The following SAMD3 variants were observed in gnomAD, a reference collection of about 807,000 sequenced individuals.
SAMD3 encodes sterile alpha motif domain-containing protein 3.
SAMD3 carries 63 observed loss-of-function variants against 58.5 expected under a neutral mutation model. That is an observed-to-expected ratio of 1.08 (90% confidence interval 0.88 to 1.33). The LOEUF (loss-of-function observed/expected upper bound fraction) is 1.33, where lower values mean the gene tolerates loss of function less well. Among genes scored for constraint, SAMD3 ranks in the 40% most tolerant of loss-of-function variants. SAMD3 has a pLI of 0.00. For missense variants in SAMD3, 604 were observed against 608.4 expected, an observed-to-expected ratio of 0.99 and a Z score of 0.08; for synonymous variants, 220 against 210.3, an observed-to-expected ratio of 1.05 and a Z score of -0.40.
intron 7 of SAMD3, among the ~76,000 whole-genome samples, chr6:130,182,091 C>T (rs1792403772): frequency 6.9e-6 from 1 of 144,266 alleles, no homozygotes. Flanking sequence ...AAAAAAACCA[C>T]AAGTTCTATA....
At chr6:130,350,561 T>G (rs1401828491) in intron 1 of SAMD3, among the ~76,000 whole-genome samples, 4 of 152,006 alleles carry the variant, frequency 2.6e-5, no homozygotes, top group Non-Finnish European at 5.9e-5. Flanking sequence ...CACTGCTCGA[T>G]GAAATAAAAG....
intron 9 of SAMD3, among the ~76,000 whole-genome samples, chr6:130,146,727 C>G (rs1788662154): frequency 6.6e-6 from 1 of 152,122 alleles, no homozygotes; most frequent in African/African-American, 2.4e-5. Context: ...ATAATCCCAG[C>G]ATTTTGGGAG....
Position 130,221,220 on chromosome 6 carries a change from C to A in SAMD3, c.-68+1474G>T, listed in dbSNP as rs1231813729. 4.6e-5 allele frequency among the ~76,000 whole-genome samples: 7 copies of A among 152,166 alleles called. No homozygotes were observed. The East Asian group carries it at 5.8e-4, about 13-fold the overall frequency. ...TCAATATATTTTGTTGGGATAATGC[C>A]TCATAACACCTACACAATAAATTCC... On this transcript the variant is annotated intron_variant, in intron 1 of 11. Transcript: ENST00000439090.
intron 9 of SAMD3, among the ~76,000 whole-genome samples, chr6:130,151,594 A>G (rs949237086): frequency 1.6e-4 from 25 of 152,100 alleles, no homozygotes; most frequent in African/African-American, 5.8e-4. Context: ...GGCATGTGCC[A>G]CCACGCCCGG....
At chr6:130,253,347 A>G (rs1338108041) in intron 2 of SAMD3, among the ~76,000 whole-genome samples, 1 of 152,202 alleles carries the variant, frequency 6.6e-6, no homozygotes, top group Non-Finnish European at 1.5e-5. Context: ...GTCCTTGTTT[A>G]GTTGGAACCA....
intron 5 of SAMD3, among the ~76,000 whole-genome samples, chr6:130,187,361 A>G (rs1376084347): frequency 1.3e-5 from 2 of 151,310 alleles, no homozygotes. Context: ...TATTATTTCT[A>G]TCAAACATCC....
chr6:130,236,936 G>C (rs1320914996), intron 2 of SAMD3, among the ~76,000 whole-genome samples: 2 of 152,000 alleles, frequency 1.3e-5, no homozygotes, highest in African/African-American at 4.8e-5. Flanking sequence ...AAAAGATTCA[G>C]CCATTTGCAT....
At chr6:130,347,960 T>G (rs1007106708) in intron 1 of SAMD3, among the ~76,000 whole-genome samples, 3 of 152,206 alleles carry the variant, frequency 2.0e-5, no homozygotes, top group African/African-American at 7.2e-5. Flanking sequence ...ACCCAGAATT[T>G]CATATCCAGC....
At chr6:130,197,885 G>A (rs1794287643) in intron 5 of SAMD3, among the ~76,000 whole-genome samples, 1 of 152,058 alleles carries the variant, frequency 6.6e-6, no homozygotes, top group African/African-American at 2.4e-5. Context: ...ACATCCAGAT[G>A]GCCGGTTCCT....
chr6:130,288,616 C>A (rs1775252644), intron 2 of SAMD3, among the ~76,000 whole-genome samples: 1 of 152,126 alleles, frequency 6.6e-6, no homozygotes, highest in Admixed American at 6.5e-5. Flanking sequence ...TCACCTCCAC[C>A]AATGTAAAAG....
chr6:130,273,353 T>C (rs962638069), intron 2 of SAMD3, among the ~76,000 whole-genome samples: 2 of 152,136 alleles, frequency 1.3e-5, no homozygotes, highest in Non-Finnish European at 2.9e-5. Context: ...GAATATCTTT[T>C]TCTATCACTT....
rs371251796 is a variant in SAMD3, at chr6:130,162,451, C to T, written c.823-7426G>A. ...AAAGATAACTTTGTTCTATATTCCA[C>T]AATCTGAAAAAGTTTACAAAGAGAG... On this transcript the variant is annotated intron_variant, in intron 8 of 11. Transcript: ENST00000439090. 1.7e-4 allele frequency among the ~76,000 whole-genome samples: 26 copies of T among 152,198 alleles called. 1 individual carries two copies. Among genetic ancestry groups the T allele is most frequent in the Admixed American group, 5.2e-4 (8 of 15,280 alleles).
At chr6:130,244,550 A>G (rs997165901) in intron 2 of SAMD3, among the ~76,000 whole-genome samples, 51 of 151,976 alleles carry the variant, frequency 3.4e-4, no homozygotes, top group African/African-American at 1.2e-3. Flanking sequence ...GATCAGCCTG[A>G]CCAACATGAA....
chr6:130,154,924 T>G lies in SAMD3; in HGVS notation c.924A>C (p.Arg308Ser). The change falls in exon 9 of 12, where the codon AGA becomes AGC. Residue 308 changes from arginine to serine, a missense_variant. Coordinates refer to ENST00000439090, the MANE Select transcript of SAMD3 (RefSeq NM_001017373.4). The stretch of plus-strand genomic sequence containing the variant: ...TTCTTATTTCCAAAGTTTGGCTCAT[T>G]CTCTTGTCAATTTCTCTCCAGTCCT... ...TEKDWREIDK[R>S]MSQTLEIRRK... 6.2e-7 allele frequency: 1 copy of G among 1,613,508 alleles called. No individual in the cohort carries two copies. The highest frequency in any genetic ancestry group is 8.5e-7 in the Non-Finnish European group (1 of 1,179,752).
intron 9 of SAMD3, among the ~76,000 whole-genome samples, chr6:130,153,647 C>CATATATATATATAT (rs1196709383): frequency 1.3e-4 from 13 of 96,708 alleles, no homozygotes; most frequent in East Asian, 6.2e-4. Flanking sequence ...CATTAAATTT[C>CATATATATATATAT]ATATATATAT....
chr6:130,337,431 G>A (rs1258354394), intron 1 of SAMD3, among the ~76,000 whole-genome samples: 2 of 152,092 alleles, frequency 1.3e-5, no homozygotes, highest in Non-Finnish European at 2.9e-5. Context: ...TTACCCAGTC[G>A]TAGGCAGTTC....
rs770264298 is a variant in SAMD3 at position 130,214,321 on chromosome 6, T to C, written c.269+16A>G. 7.8e-6 allele frequency: 12 copies of C among 1,543,660 alleles called. No homozygotes were observed. In the South Asian group the frequency reaches 1.5e-4, roughly 19 times the overall value. On this transcript the variant is annotated intron_variant, in intron 4 of 11. Transcript: ENST00000439090. ...GCTTGGGAAAAAAAAATAAGGCCAT[T>C]TATGAACATACTCACTCTCGAGCTG...
At chr6:130,148,893 T>G (rs1788881854) in intron 9 of SAMD3, among the ~76,000 whole-genome samples, 1 of 152,030 alleles carries the variant, frequency 6.6e-6, no homozygotes. Flanking sequence ...AAAACCAAGA[T>G]TTCAGCCCTG....
chr6:130,357,226 G>A (rs1439238814), intron 1 of SAMD3, among the ~76,000 whole-genome samples: 4 of 144,726 alleles, frequency 2.8e-5, no homozygotes, highest in Admixed American at 7.4e-5. Flanking sequence ...CCGGGTTCAC[G>A]CCATTCTCCT....
Sources: gnomAD v4.1 joint callset for allele counts (sites outside exome capture counted in the v4.1 genomes callset) on GRCh38, gnomAD v4.1.1 for gene constraint, MANE v1.5 for transcripts, NCBI Gene and HGNC (gene_info 2026-07-23, HGNC 2026-07-21) for gene names.